EXOC3L2: variants seen among roughly 807,000 people sequenced by gnomAD.
EXOC3L2 encodes the protein exocyst complex component 3-like protein 2.
Under a neutral mutation model 44.4 loss-of-function variants are expected in EXOC3L2, and 17 were observed. The ratio of observed to expected loss-of-function variants is 0.38; its 90% CI spans 0.26 to 0.57. The LOEUF (loss-of-function observed/expected upper bound fraction) is 0.57. EXOC3L2 is among the 20% of genes least tolerant of loss of function. EXOC3L2 has a pLI of 0.65. For missense variants in EXOC3L2, 541 were observed against 588.4 expected (o/e 0.92, Z 0.83); for synonymous variants, 256 against 253.7 (o/e 1.01, Z -0.09).
chr19:45,234,142 G>A lies in EXOC3L2; in HGVS notation c.1157+51C>T, dbSNP rs1970058259. ...TAAGGTCTGAAGAAGCCAGTGCTAGGGGGTAGGGCTGAGGGTTTCACGTGA... is the reference window on the plus strand; with the variant it reads ...TAAGGTCTGAAGAAGCCAGTGCTAGAGGGTAGGGCTGAGGGTTTCACGTGA... On this transcript the variant is annotated intron_variant, in intron 3 of 11. Coordinates refer to ENST00000413988, the MANE Select transcript of EXOC3L2 (RefSeq NM_001382422.1). The surrounding 1 kb of genome is among the most constrained non-coding windows in gnomAD (Gnocchi z 5.0). 1 of 387,152 alleles carries A rather than the reference G, an allele frequency of 2.6e-6. No individual in the cohort carries two copies. The highest frequency in any genetic ancestry group is 4.5e-5 in the Admixed American group (1 of 22,358). The allele number at this position is 387,152 out of a possible 1,614,324, so 24.0% of individuals were successfully genotyped here.
At chr19:45,235,432 G>A (rs1042947753) in intron 2 of EXOC3L2, among the ~76,000 whole-genome samples, 6 of 152,098 alleles carry the variant, frequency 3.9e-5, no homozygotes, top group Non-Finnish European at 7.4e-5. Context: ...GAGGAGCCAC[G>A]TAAGGGGGAG....
At position 45,228,311 on chromosome 19, in the gene EXOC3L2, G is replaced by A. The variant is rs768582434; in HGVS notation, c.1270-45C>T. 6 of 1,571,866 alleles carry A rather than the reference G, an allele frequency of 3.8e-6. No homozygotes were observed. In the South Asian group the frequency reaches 5.6e-5, roughly 15 times the overall value. On this transcript the variant is annotated intron_variant, in intron 4 of 11. Transcript: ENST00000413988. The stretch of plus-strand genomic sequence containing the variant: ...GACAGGCAGGAGTTGGGGGCGGCCT[G>A]GAGGTCTTTTTTTTTATCTCTTTCT...
intron 10 of EXOC3L2, 127 bp downstream of exon 10, chr19:45,217,401 C>T: frequency 1.6e-6 from 2 of 1,222,192 alleles, no homozygotes; most frequent in South Asian, 3.5e-5. Context: ...GCTATTGACC[C>T]GAAGTTGGGT....
In EXOC3L2 at chr19:45,238,459, CAGGGCTGGGG is replaced by C. The variant is rs1463596310; in HGVS notation, c.523+54_523+63del. The C allele has an allele frequency of 1.8e-5, 7 of 399,368 alleles. No individual in the cohort carries two copies. The highest frequency in any genetic ancestry group is 3.1e-5 in the Non-Finnish European group (7 of 226,202). 24.7% of individuals were successfully genotyped at this position (399,368 alleles called of 1,614,324 possible). A position where few individuals can be genotyped will look rare whatever the true frequency, so the allele number is the denominator to read the frequency against. On this transcript the variant is annotated intron_variant, in intron 2 of 11. Transcript: ENST00000413988. This position sits in a 1 kb window ranked among gnomAD's most constrained non-coding sequence, Gnocchi z 5.5. ...GCTTAAGTATGAAGCCTGGGACCAC[CAGGGCTGGGG>C]ATGGACATGGGCACTGGGATTCTCC...
Position 45,218,335 on chromosome 19 carries a change from T to C in EXOC3L2, c.1720-16A>G, listed in dbSNP as rs756509677. The C allele has an allele frequency of 1.9e-6, 3 of 1,584,208 alleles. No individual in the cohort carries two copies. In the African/African-American group the frequency reaches 4.0e-5, roughly 21 times the overall value. On this transcript the variant is annotated splice_polypyrimidine_tract_variant and intron_variant, in intron 8 of 11. Coordinates refer to ENST00000413988, the MANE Select transcript of EXOC3L2 (RefSeq NM_001382422.1). ...TGAAGTGTGGCTGGCAGGGACAGAG[T>C]AGGGGGTCACGCTCTCCTCCCTCCC... is the stretch of plus-strand genomic sequence containing the variant.
In EXOC3L2 at chr19:45,227,734, G is replaced by C. The variant is rs1230981983; in HGVS notation, c.1511C>G (p.Ala504Gly). 12 of 1,613,088 alleles carry C rather than the reference G, an allele frequency of 7.4e-6. No individual in the cohort carries two copies. Among genetic ancestry groups the C allele is most frequent in the Non-Finnish European group, 9.3e-6 (11 of 1,179,824 alleles). Residue 504 changes from alanine to glycine, a missense_variant, in exon 7 of 12, where the codon GCA becomes GGA. By Grantham distance (60) the Ala-to-Gly change is moderately conservative. Transcript: ENST00000413988. ...GGTGTCAGGTAGCATCTCCCGGACT[G>C]CTGGGTTCTCATGGAATCGCTCCAC... The part of the protein sequence containing the change: ...QRVERFHENP[A>G]VREMLPDTYI...
chr19:45,235,907 G>T (rs1174772012), intron 2 of EXOC3L2, among the ~76,000 whole-genome samples: 2 of 152,140 alleles, frequency 1.3e-5, no homozygotes, highest in African/African-American at 4.8e-5. Flanking sequence ...CTAAAAGCCG[G>T]GCTCAGGCAC....
intron 8 of EXOC3L2, among the ~76,000 whole-genome samples, chr19:45,222,357 G>A (rs1026778685): frequency 9.9e-5 from 15 of 151,860 alleles, no homozygotes; most frequent in Non-Finnish European, 1.3e-4. Context: ...TTGCCACCAC[G>A]CCTGGCTAAT....
At chr19:45,229,162 T>TTG (rs1402066033) in intron 4 of EXOC3L2, among the ~76,000 whole-genome samples, 5 of 149,692 alleles carry the variant, frequency 3.3e-5, no homozygotes, top group African/African-American at 1.2e-4. Flanking sequence ...AAGGGCTTAA[T>TTG]TGTGTGTGTG....
chr19:45,242,182 A>G (rs1397891408), intron 1 of EXOC3L2, among the ~76,000 whole-genome samples: 1 of 152,206 alleles, frequency 6.6e-6, no homozygotes, highest in Non-Finnish European at 1.5e-5. Flanking sequence ...AAAAGTACAG[A>G]AGACAAGCTT....
At position 45,216,155 on chromosome 19, in the gene EXOC3L2, A is replaced by G. The variant is rs764043984; in HGVS notation, c.2038T>C (p.Leu680=). 2.5e-6 allele frequency: 4 copies of G among 1,613,712 alleles called. No homozygotes were observed. The highest frequency in any genetic ancestry group is 3.4e-6 in the Non-Finnish European group (4 of 1,179,926). ...ASWLDAVVPH[L]AEVMQLEDTP... is the part of the protein sequence containing the mutation. ...TCTTCCAGCTGCATGACTTCAGCCA[A>G]ATGGGGCACCACGGCATCCAGCCAC... Residue 680 remains leucine (L), a synonymous_variant, in exon 11 of 12, where the codon TTG becomes CTG. Transcript: ENST00000413988.
rs1267011823 is a variant in EXOC3L2 at position 45,224,889 on chromosome 19, C to T, written c.1608G>A (p.Arg536=). The part of the protein sequence containing the change: ...PLRALAERLA[R]VGPPESEPAR... ...CCGGCTCGCTTTCTGGGGGCCCCACCCGGGCCAGGCGCTCGGCCAGAGCTC... is the reference window on the plus strand; with the variant it reads ...CCGGCTCGCTTTCTGGGGGCCCCACTCGGGCCAGGCGCTCGGCCAGAGCTC... The change falls in exon 8 of 12, where the codon CGG becomes CGA. Residue 536 remains arginine (R), a synonymous_variant. Transcript: ENST00000413988. 6.4e-7 allele frequency: 1 copy of T among 1,559,666 alleles called. No homozygotes were observed. Among genetic ancestry groups the T allele is most frequent in the Non-Finnish European group, 8.7e-7 (1 of 1,150,680 alleles).
rs1011815169 is a variant in EXOC3L2, at chr19:45,245,353, GC to G, written c.-30del. On this transcript the variant is annotated 5_prime_UTR_variant, in exon 1 of 12. Coordinates refer to ENST00000413988, the MANE Select transcript of EXOC3L2 (RefSeq NM_001382422.1). ...CCAGCACACTCACCTCTGTCCTCCTGCCCGTCCTTCTGTTCCCGCTGCTGTC... is the reference window on the plus strand; with the variant it reads ...CCAGCACACTCACCTCTGTCCTCCTGCCGTCCTTCTGTTCCCGCTGCTGTC... 2 of 152,682 alleles carry G rather than the reference GC, an allele frequency of 1.3e-5. No individual in the cohort carries two copies. Among genetic ancestry groups the G allele is most frequent in the African/African-American group, 2.4e-5 (1 of 41,400 alleles). 9.5% of individuals were successfully genotyped at this position (152,682 alleles called of 1,614,324 possible).
At chr19:45,236,213 T>A (rs1284441137) in intron 2 of EXOC3L2, among the ~76,000 whole-genome samples, 2 of 152,016 alleles carry the variant, frequency 1.3e-5, no homozygotes, top group African/African-American at 4.8e-5. Flanking sequence ...GGCTCATGCC[T>A]GTACTCCTAG....
chr19:45,229,279 A>G (rs1970002776), intron 4 of EXOC3L2, among the ~76,000 whole-genome samples: 1 of 121,820 alleles, frequency 8.2e-6, no homozygotes, highest in African/African-American at 3.4e-5. Context: ...ATATATACAT[A>G]TATTTATGTA....
Position 45,217,554 on chromosome 19 carries a change from G to T in EXOC3L2, c.1972C>A (p.Gln658Lys). The change falls in exon 10 of 12, where the codon CAA (glutamine) becomes AAA (lysine). Residue 658 changes from glutamine (Q) to lysine (K), a missense_variant. Coordinates refer to ENST00000413988, the MANE Select transcript of EXOC3L2 (RefSeq NM_001382422.1). ...AGCCGCCGGAACAGCCTCTGCAGTT[G>T]CGCCGCGTCCTCCCGGAGCCTGCCG... ...VAGRLREDAAQLQRLFRRLES... is the reference protein window; with the variant it reads ...VAGRLREDAAKLQRLFRRLES... 6.4e-7 allele frequency: 1 copy of T among 1,571,028 alleles called. No individual in the cohort carries two copies. Among genetic ancestry groups the T allele is most frequent in the Non-Finnish European group, 8.6e-7 (1 of 1,165,548 alleles).
rs1287964708 is a variant in EXOC3L2 at position 45,231,842 on chromosome 19, A to G, written c.1190T>C (p.Leu397Pro). 2 of 1,609,478 alleles carry G rather than the reference A, an allele frequency of 1.2e-6. No homozygotes were observed. The highest frequency in any genetic ancestry group is 4.5e-5 in the East Asian group (2 of 44,740). Residue 397 changes from leucine to proline, a missense_variant, in exon 4 of 12, where the codon CTG becomes CCG. Transcript: ENST00000413988. ...AAGGGGCCCCAGCTCCCCATTCTCC[A>G]GGGCGGCCATGTCCACCAGCCCTAG... ...EVLGLVDMAA[L>P]ENGELGPLLS...
Position 45,231,805 on chromosome 19 carries a change from G to A in EXOC3L2, c.1227C>T (p.Gly409=), listed in dbSNP as rs1970034983. 1 of 1,611,390 alleles carries A rather than the reference G, an allele frequency of 6.2e-7. No homozygotes were observed. Among genetic ancestry groups the A allele is most frequent in the Non-Finnish European group, 8.5e-7 (1 of 1,177,882 alleles). The stretch of plus-strand genomic sequence containing the variant: ...ATTCATCCTCCAAACCCCGCAGGGT[G>A]CCAGGGGAGAGAAGGGGCCCCAGCT... The part of the protein sequence containing the change: ...NGELGPLLSP[G]TLRGLEDECV... Residue 409 remains glycine, a synonymous_variant, in exon 4 of 12, where the codon GGC becomes GGT. Transcript: ENST00000413988.
At chr19:45,214,881 C>T (rs780261797) in intron 11 of EXOC3L2, among the ~76,000 whole-genome samples, 10 of 152,032 alleles carry the variant, frequency 6.6e-5, no homozygotes, top group Non-Finnish European at 1.3e-4. Flanking sequence ...ATAGGCCAAG[C>T]GCAGTGGCTC....
Sources: gnomAD v4.1 joint callset for allele counts (sites outside exome capture counted in the v4.1 genomes callset) on GRCh38, gnomAD v4.1.1 for gene constraint, Gnocchi (gnomAD v3.1) non-coding constraint, MANE v1.5 for transcripts, NCBI Gene and HGNC (gene_info 2026-07-23, HGNC 2026-07-21) for gene names.